Variants in SCFD2 observed in about 807,000 individuals in gnomAD.
SCFD2 encodes sec1 family domain containing 2, also known as sec1 family domain-containing protein 2.
SCFD2 carries 54 observed loss-of-function variants against 58.9 expected under a neutral mutation model. The observed-to-expected ratio is 0.92, with a 90% CI of 0.74 to 1.15. SCFD2 has a LOEUF of 1.15. Ranked by LOEUF, SCFD2 falls within the 50% of genes most tolerant of loss-of-function variation. The probability of loss-of-function intolerance (pLI) is 0.00; values close to 1 mark genes in which losing one functional copy is unlikely to be tolerated. For missense variants in SCFD2, 805 were observed against 836.6 expected (o/e 0.96, Z 0.47); for synonymous variants, 321 against 335.9 (o/e 0.96, Z 0.49).
intron 5 of SCFD2, among the ~76,000 whole-genome samples, chr4:53,049,208 G>A (rs1723122704): frequency 6.6e-6 from 1 of 152,116 alleles, no homozygotes; most frequent in South Asian, 2.1e-4. Context: ...AATTCACTAG[G>A]AAGAACACAA....
At chr4:53,262,606 C>G (rs1730862189) in intron 4 of SCFD2, among the ~76,000 whole-genome samples, 1 of 152,202 alleles carries the variant, frequency 6.6e-6, no homozygotes, top group African/African-American at 2.4e-5. Flanking sequence ...TGTAGGATTT[C>G]TGCTGAGAAA....
At chr4:52,992,556 GGC>G (rs1280671481) in intron 5 of SCFD2, among the ~76,000 whole-genome samples, 1 of 150,052 alleles carries the variant, frequency 6.7e-6, no homozygotes, top group Non-Finnish European at 1.5e-5. Context: ...ACCTCTTCCC[GGC>G]CGCCATCCCC....
chr4:53,192,706 C>G (rs567460098), intron 4 of SCFD2, among the ~76,000 whole-genome samples: 1 of 152,174 alleles, frequency 6.6e-6, no homozygotes, highest in East Asian at 1.9e-4. Context: ...CTCTGCCTTA[C>G]TCACAGTTTT....
At chr4:52,930,375 C>A (rs1245420441) in intron 5 of SCFD2, among the ~76,000 whole-genome samples, 1 of 152,120 alleles carries the variant, frequency 6.6e-6, no homozygotes, top group Non-Finnish European at 1.5e-5. Context: ...GGATTAAATA[C>A]TTAAATGTAA....
intron 5 of SCFD2, among the ~76,000 whole-genome samples, chr4:53,126,622 C>T (rs1017899668): frequency 1.3e-5 from 2 of 152,120 alleles, no homozygotes; most frequent in South Asian, 2.1e-4. Context: ...ATCCTCACAC[C>T]GGTTTTTAAA....
intron 4 of SCFD2, among the ~76,000 whole-genome samples, chr4:53,230,318 C>G (rs185709858): frequency 6.6e-6 from 1 of 152,136 alleles, no homozygotes; most frequent in East Asian, 1.9e-4. Flanking sequence ...AAGACACATG[C>G]ACATGTATGT....
At chr4:52,930,961 C>T (rs1719978508) in intron 5 of SCFD2, among the ~76,000 whole-genome samples, 1 of 152,116 alleles carries the variant, frequency 6.6e-6, no homozygotes, top group Non-Finnish European at 1.5e-5. Context: ...AGCGTTTCGA[C>T]TTTGGGACCT....
At chr4:53,181,033 G>C (rs1418489547) in intron 4 of SCFD2, among the ~76,000 whole-genome samples, 1 of 152,108 alleles carries the variant, frequency 6.6e-6, no homozygotes, top group Admixed American at 6.6e-5. Flanking sequence ...GCCAAAAAAA[G>C]TCCAGGACCA....
Position 53,365,022 on chromosome 4 carries a change from G to C in SCFD2, c.838+82C>G. 1 of 1,467,572 alleles carries C rather than the reference G, an allele frequency of 6.8e-7. No homozygotes were observed. The highest frequency in any genetic ancestry group is 1.4e-5 in the South Asian group (1 of 73,572). 90.9% of individuals were successfully genotyped at this position (1,467,572 alleles called of 1,614,324 possible). ...TCCTCAATCTAATATATAATAAAAG[G>C]TCAATAAAATATATGCTGAATCAAT... On this transcript the variant is annotated intron_variant, in intron 1 of 8. Transcript: ENST00000401642. This position sits in a 1 kb window ranked among gnomAD's most constrained non-coding sequence, Gnocchi z 4.3.
At chr4:53,238,568 G>A (rs1369276778) in intron 4 of SCFD2, among the ~76,000 whole-genome samples, 36 of 151,074 alleles carry the variant, frequency 2.4e-4, no homozygotes, top group African/African-American at 7.5e-4. Context: ...CCCAGATGGG[G>A]CGGCTGCCGG....
At chr4:53,267,833 G>A (rs1731036999) in intron 4 of SCFD2, among the ~76,000 whole-genome samples, 2 of 151,902 alleles carry the variant, frequency 1.3e-5, no homozygotes, top group South Asian at 4.2e-4. Context: ...AGTCTAATAT[G>A]GAACAAAAGA....
intron 8 of SCFD2, among the ~76,000 whole-genome samples, chr4:52,877,717 C>A (rs1718511822): frequency 6.6e-6 from 1 of 152,242 alleles, no homozygotes; most frequent in Non-Finnish European, 1.5e-5. Context: ...TTCCACCCAG[C>A]TCACAGTAGT....
At chr4:53,087,144 A>G (rs1724329704) in intron 5 of SCFD2, among the ~76,000 whole-genome samples, 1 of 152,190 alleles carries the variant, frequency 6.6e-6, no homozygotes, top group South Asian at 2.1e-4. Context: ...ATAAACATAT[A>G]CACCAACTAC....
chr4:53,128,845 C>A (rs551778475), intron 5 of SCFD2, among the ~76,000 whole-genome samples: 57 of 152,244 alleles, frequency 3.7e-4, no homozygotes, highest in Non-Finnish European at 7.1e-4. Flanking sequence ...TGTGCATTCC[C>A]AGTTAGCATG....
At chr4:53,246,445 T>G (rs2149031077) in intron 4 of SCFD2, among the ~76,000 whole-genome samples, 1 of 152,292 alleles carries the variant, frequency 6.6e-6, no homozygotes, top group African/African-American at 2.4e-5. Flanking sequence ...AACTTTAAAC[T>G]ATACTATAAG....
intron 5 of SCFD2, among the ~76,000 whole-genome samples, chr4:52,944,423 T>C (rs1031361363): frequency 1.3e-5 from 2 of 152,160 alleles, no homozygotes; most frequent in Non-Finnish European, 2.9e-5. Flanking sequence ...AGAAGAACCA[T>C]GACAAGTAGG....
At chr4:53,250,221 T>C (rs1203609222) in intron 4 of SCFD2, among the ~76,000 whole-genome samples, 2 of 152,186 alleles carry the variant, frequency 1.3e-5, no homozygotes, top group African/African-American at 2.4e-5. Flanking sequence ...TACATAATGC[T>C]AAAGGGATCA....
intron 3 of SCFD2, among the ~76,000 whole-genome samples, chr4:53,297,461 TG>T (rs1732080903): frequency 6.6e-6 from 1 of 151,994 alleles, no homozygotes; most frequent in African/African-American, 2.4e-5. Context: ...TTGCAACCCT[TG>T]GTTTTTTTTT....
intron 5 of SCFD2, among the ~76,000 whole-genome samples, chr4:53,064,037 T>C (rs1324936965): frequency 6.6e-6 from 1 of 152,106 alleles, no homozygotes; most frequent in Non-Finnish European, 1.5e-5. Context: ...ATCAGTATTA[T>C]CTCAGATTTA....
Sources: allele counts gnomAD v4.1 joint callset (sites outside exome capture counted in the v4.1 genomes callset), GRCh38; gene constraint gnomAD v4.1.1; non-coding constraint Gnocchi (gnomAD v3.1); transcripts MANE v1.5; gene names NCBI Gene and HGNC (gene_info 2026-07-23, HGNC 2026-07-21).